CEP350: variants seen among roughly 807,000 people sequenced by gnomAD.
CEP350 encodes the protein centrosomal protein 350.
A neutral mutation model predicts 331.8 loss-of-function variants in CEP350; 126 were observed. The observed-to-expected ratio is 0.38, with a 90% CI of 0.33 to 0.44. CEP350 has a LOEUF of 0.44. Among genes scored for constraint, CEP350 ranks in the 20% least tolerant of loss-of-function variants. The probability of loss-of-function intolerance (pLI) is 1.00; values close to 1 mark genes in which losing one functional copy is unlikely to be tolerated. For synonymous variants in CEP350, 1,200 were observed against 1,259.5 expected (o/e 0.95, Z 1.00); for missense variants, 3,406 against 3,634.6 (o/e 0.94, Z 1.62).
chr1:179,969,389 C>A, intron 1 of CEP350: 5 of 513,838 alleles, frequency 9.7e-6, no homozygotes, highest in South Asian at 4.2e-5. Flanking sequence ...TGAGGGCGTG[C>A]GGGTGCCCTC....
chr1:180,032,423 T>C (rs1571896022), intron 15 of CEP350, among the ~76,000 whole-genome samples: 1 of 152,142 alleles, frequency 6.6e-6, no homozygotes, highest in South Asian at 2.1e-4. Context: ...TAGAAAACTT[T>C]ACCTTTCCTT....
chr1:180,037,411 GT>G (rs746011276), intron 17 of CEP350, among the ~76,000 whole-genome samples: 2,605 of 139,700 alleles, frequency 0.019, 33 homozygotes, highest in African/African-American at 0.039. Context: ...AATACTGAGG[GT>G]TTTTTTTTTT....
chr1:180,008,759 C>G (rs1654421418), intron 8 of CEP350, among the ~76,000 whole-genome samples: 2 of 152,078 alleles, frequency 1.3e-5, no homozygotes, highest in South Asian at 2.1e-4. Context: ...TATGTTGTTA[C>G]AATAAAGTAT....
At chr1:180,016,150 G>A (rs1303671151) in intron 11 of CEP350, among the ~76,000 whole-genome samples, 180 bp downstream of exon 11, 3 of 152,098 alleles carry the variant, frequency 2.0e-5, no homozygotes, top group Non-Finnish European at 4.4e-5. Flanking sequence ...GTATACCCTA[G>A]GCTAATTGTT....
rs775775728 is a variant in CEP350, at chr1:180,093,720, A to G, written c.7615A>G (p.Asn2539Asp). The G allele has an allele frequency of 1.2e-5, 20 of 1,613,996 alleles. No individual in the cohort carries two copies. The African/African-American group carries it at 1.3e-4, about 11-fold the overall frequency. Residue 2539 changes from asparagine (N) to aspartate (D), a missense_variant, in exon 34 of 38, where the codon AAT becomes GAT. Transcript: ENST00000367607. ...GTTAGATAAACCTGAAGGAAATAAC[A>G]ATGGAACATATGATGGTATTGCATA... ...VELDKPEGNNNGTYDGIAYFE... is the reference protein window; with the variant it reads ...VELDKPEGNNDGTYDGIAYFE...
chr1:179,997,317 G>A (rs571685248), intron 6 of CEP350, 142 bp downstream of exon 6: 23 of 876,202 alleles, frequency 2.6e-5, no homozygotes, highest in East Asian at 1.5e-4. Flanking sequence ...CGAGGTGGGC[G>A]GATCATGAGG....
intron 27 of CEP350, among the ~76,000 whole-genome samples, chr1:180,071,166 A>C (rs1658861653): frequency 6.6e-6 from 1 of 150,528 alleles, no homozygotes; most frequent in African/African-American, 2.4e-5. Flanking sequence ...AAAAAAAAAA[A>C]AGTGAATAAA....
chr1:180,103,066 GC>G (rs1660918912), intron 37 of CEP350, among the ~76,000 whole-genome samples: 4 of 152,212 alleles, frequency 2.6e-5, no homozygotes, highest in Admixed American at 2.6e-4. Flanking sequence ...GATTTTATAG[GC>G]AGGCTTTAAG....
rs1321381731 is a variant in CEP350, at chr1:180,095,797, A to G, written c.8786A>G (p.Asn2929Ser). 9 of 1,613,892 alleles carry G rather than the reference A, an allele frequency of 5.6e-6. No individual in the cohort carries two copies. Among genetic ancestry groups the G allele is most frequent in the Non-Finnish European group, 7.6e-6 (9 of 1,179,886 alleles). ...TAEEVEILVH[N>S]AAEELWKWKE... ...GAAGAAGTAGAGATTCTTGTACATA[A>G]TGCAGCAGAAGAACTTTGGAAATGG... The change falls in exon 35 of 38, where the codon AAT (asparagine) becomes AGT (serine). Residue 2929 changes from asparagine to serine, a missense_variant. This residue lies in a region of CEP350 where 1,415 missense variants were observed against 1,512.3 expected (regional missense o/e 0.94). Transcript: ENST00000367607.
At chr1:180,063,453 A>G (rs1182901162) in intron 26 of CEP350, among the ~76,000 whole-genome samples, 1 of 151,648 alleles carries the variant, frequency 6.6e-6, no homozygotes, top group Non-Finnish European at 1.5e-5. Context: ...TCAGCCTCCC[A>G]GAGTGTTAGG....
At chr1:179,972,531 G>A (rs1188640872) in intron 1 of CEP350, among the ~76,000 whole-genome samples, 4 of 151,930 alleles carry the variant, frequency 2.6e-5, no homozygotes, top group Non-Finnish European at 4.4e-5. Context: ...TTGAGAGGGA[G>A]TCTTGCTCTG....
intron 37 of CEP350, among the ~76,000 whole-genome samples, chr1:180,101,417 C>A (rs1474709367): frequency 6.6e-6 from 1 of 152,074 alleles, no homozygotes; most frequent in Non-Finnish European, 1.5e-5. Flanking sequence ...AATGTTTTTA[C>A]ATTTTAGGGG....
chr1:180,077,387 A>G (rs1558144417), intron 28 of CEP350, among the ~76,000 whole-genome samples: 1 of 152,108 alleles, frequency 6.6e-6, no homozygotes, highest in African/African-American at 2.4e-5. Flanking sequence ...ATTAAAACCA[A>G]AACAGCCTGG....
At chr1:179,966,982 A>C (rs898787024) in intron 1 of CEP350, among the ~76,000 whole-genome samples, 16 of 152,256 alleles carry the variant, frequency 1.1e-4, no homozygotes, top group African/African-American at 3.9e-4. Flanking sequence ...CCATCTATTA[A>C]AATTAAAAAC....
In CEP350 at chr1:180,044,053, A is replaced by G. The variant is rs1349185691; in HGVS notation, c.4502A>G (p.Lys1501Arg). ...QLRTRTETDR[K>R]SPSVSLSQSK... Reference sequence around the variant, plus strand: ...ATCAGTTTTTATTTTATTTGTAGGAAAAGTCCATCTGTTTCACTCTCTCAG... The same window carrying G: ...ATCAGTTTTTATTTTATTTGTAGGAGAAGTCCATCTGTTTCACTCTCTCAG... The change falls in exon 21 of 38, where the codon AAA becomes AGA. Residue 1501 changes from lysine to arginine, a missense_variant and splice_region_variant. By Grantham distance (26) the Lys-to-Arg change is conservative. Coordinates refer to ENST00000367607, the MANE Select transcript of CEP350 (RefSeq NM_014810.5). 49 of 1,527,310 alleles carry G rather than the reference A, an allele frequency of 3.2e-5. No homozygotes were observed. The highest frequency in any genetic ancestry group is 4.1e-5 in the Non-Finnish European group (47 of 1,140,874). The allele number at this position is 1,527,310 out of a possible 1,614,324, so 94.6% of individuals were successfully genotyped here. A position where few individuals can be genotyped will look rare whatever the true frequency, so the allele number is the denominator to read the frequency against.
chr1:180,062,381 G>GTTATTA lies in CEP350; in HGVS notation c.5409+18_5409+23dup. 1 of 1,572,370 alleles carries GTTATTA rather than the reference G, an allele frequency of 6.4e-7. No individual in the cohort carries two copies. Among genetic ancestry groups the GTTATTA allele is most frequent in the Non-Finnish European group, 8.6e-7 (1 of 1,159,780 alleles). On this transcript the variant is annotated intron_variant, in intron 26 of 37. Transcript: ENST00000367607. ...AGAGTAAATTGGTAAACTACATGAA[G>GTTATTA]TTATTATTTGTTTCCTGTCTTATTT... is the stretch of plus-strand genomic sequence containing the variant.
chr1:180,047,652 C>T (rs1416763829), intron 21 of CEP350, among the ~76,000 whole-genome samples: 2 of 149,220 alleles, frequency 1.3e-5, no homozygotes, highest in African/African-American at 4.9e-5. Context: ...ATCCTAGCTA[C>T]TCGGGAGGCT....
chr1:179,956,985 AT>A (rs1650219527), intron 1 of CEP350, among the ~76,000 whole-genome samples: 1 of 152,108 alleles, frequency 6.6e-6, no homozygotes, highest in South Asian at 2.1e-4. Context: ...CTTGCCCCTT[AT>A]GCTGATGATC....
In CEP350 at chr1:180,011,928, G is replaced by GGTA; in HGVS notation, c.1252_1254dup (p.Ser418dup). 6.3e-7 allele frequency: 1 copy of GGTA among 1,587,030 alleles called. No individual in the cohort carries two copies. The highest frequency in any genetic ancestry group is 8.6e-7 in the Non-Finnish European group (1 of 1,166,584). On this transcript the variant is annotated inframe_insertion and splice_region_variant. Coordinates refer to ENST00000367607, the MANE Select transcript of CEP350 (RefSeq NM_014810.5). The stretch of plus-strand genomic sequence containing the variant: ...AATTTCAGTGCCATGTATTTTTTTA[G>GGTA]GTAGTAGTCATCTTATAAGTACATC...
Sources: gnomAD v4.1 joint callset for allele counts (sites outside exome capture counted in the v4.1 genomes callset) on GRCh38, gnomAD v4.1.1 for gene constraint, gnomAD v4.1.1 regional missense constraint, MANE v1.5 for transcripts, NCBI Gene and HGNC (gene_info 2026-07-23, HGNC 2026-07-21) for gene names.